The following LDB2 variants were observed in gnomAD, a reference collection of about 807,000 sequenced individuals.
The protein encoded by LDB2 is LIM domain-binding protein 2.
A neutral mutation model predicts 44.3 loss-of-function variants in LDB2; 12 were observed. The ratio of observed to expected loss-of-function variants is 0.27; its 90% confidence interval spans 0.17 to 0.44. LDB2 has a LOEUF of 0.44. Among genes scored for constraint, LDB2 ranks in the 20% least tolerant of loss-of-function variants. The pLI is 1.00. For synonymous variants in LDB2, 164 were observed against 174.8 expected, an observed-to-expected ratio of 0.94 and a Z score of 0.49; for missense variants, 344 against 473.5, an observed-to-expected ratio of 0.73 and a Z score of 2.54.
intron 5 of LDB2, among the ~76,000 whole-genome samples, chr4:16,583,931 T>C (rs1010620150): frequency 4.6e-5 from 7 of 152,204 alleles, no homozygotes; most frequent in Middle Eastern, 3.4e-3. Context: ...AGGCCATTGC[T>C]CCACCATGAA....
At chr4:16,744,381 T>A (rs191897854) in intron 2 of LDB2, among the ~76,000 whole-genome samples, 4 of 151,944 alleles carry the variant, frequency 2.6e-5, no homozygotes, top group Admixed American at 2.6e-4. Flanking sequence ...GGTCTTGAAC[T>A]CCTGACCTCA....
At chr4:16,781,882 G>T (rs189785775) in intron 1 of LDB2, among the ~76,000 whole-genome samples, 20 of 152,294 alleles carry the variant, frequency 1.3e-4, no homozygotes, top group Non-Finnish European at 2.5e-4. Context: ...TGGAGGTAAA[G>T]GTTGGAGTGT....
At chr4:16,630,292 C>T (rs538249948) in intron 2 of LDB2, among the ~76,000 whole-genome samples, 5 of 152,256 alleles carry the variant, frequency 3.3e-5, no homozygotes, top group African/African-American at 9.6e-5. Flanking sequence ...TCAACATTCT[C>T]AAAGAAAAGA....
intron 2 of LDB2, among the ~76,000 whole-genome samples, chr4:16,736,151 G>A (rs926050906): frequency 4.6e-5 from 7 of 152,194 alleles, no homozygotes; most frequent in Non-Finnish European, 8.8e-5. Flanking sequence ...CTCTGGGCAA[G>A]AAGGGTCCTC....
intron 1 of LDB2, among the ~76,000 whole-genome samples, chr4:16,767,623 C>A (rs1769652640): frequency 1.3e-5 from 2 of 152,104 alleles, no homozygotes; most frequent in Admixed American, 6.6e-5. Context: ...TTCTTTTCCC[C>A]AAAGCTAGAA....
intron 2 of LDB2, among the ~76,000 whole-genome samples, chr4:16,670,944 G>A (rs1259759378): frequency 6.6e-6 from 1 of 152,150 alleles, no homozygotes; most frequent in Non-Finnish European, 1.5e-5. Flanking sequence ...CCTGATTTAT[G>A]ATCTGCTTCT....
intron 2 of LDB2, among the ~76,000 whole-genome samples, chr4:16,637,264 G>A (rs1733842593): frequency 6.8e-6 from 1 of 146,292 alleles, no homozygotes; most frequent in Non-Finnish European, 1.5e-5. Flanking sequence ...TGTGAGAAAG[G>A]CTTGAATGCT....
chr4:16,627,847 T>A (rs958015855), intron 2 of LDB2, among the ~76,000 whole-genome samples: 1 of 152,198 alleles, frequency 6.6e-6, no homozygotes, highest in African/African-American at 2.4e-5. Flanking sequence ...ATGGGTGACT[T>A]AGCACATATT....
chr4:16,750,301 G>T (rs575413006), intron 2 of LDB2, among the ~76,000 whole-genome samples: 1 of 152,328 alleles, frequency 6.6e-6, no homozygotes, highest in Non-Finnish European at 1.5e-5. Context: ...GTATGGGTCT[G>T]TCTCCCTTGT....
chr4:16,892,816 TA>T (rs375701187), intron 1 of LDB2, among the ~76,000 whole-genome samples: 2 of 152,164 alleles, frequency 1.3e-5, no homozygotes, highest in Non-Finnish European at 2.9e-5. Flanking sequence ...GCTAAATGTT[TA>T]AAAAATGCAT....
chr4:16,824,107 T>C (rs985280724), intron 1 of LDB2, among the ~76,000 whole-genome samples: 5 of 152,244 alleles, frequency 3.3e-5, no homozygotes, highest in Non-Finnish European at 7.3e-5. Context: ...TGTAAGACAC[T>C]ACCATTCGCC....
At chr4:16,645,156 C>T (rs936368243) in intron 2 of LDB2, among the ~76,000 whole-genome samples, 3 of 152,194 alleles carry the variant, frequency 2.0e-5, no homozygotes, top group African/African-American at 4.8e-5. Context: ...GATCAAGTCC[C>T]GAGGATTCTG....
At chr4:16,724,501 T>C (rs1374291190) in intron 2 of LDB2, among the ~76,000 whole-genome samples, 1 of 151,956 alleles carries the variant, frequency 6.6e-6, no homozygotes, top group Non-Finnish European at 1.5e-5. Context: ...AACATGCTTG[T>C]TGAGTGAATG....
chr4:16,688,517 G>A (rs147461918), intron 2 of LDB2, among the ~76,000 whole-genome samples: 2 of 152,140 alleles, frequency 1.3e-5, no homozygotes, highest in Non-Finnish European at 2.9e-5. Flanking sequence ...GCACAAAATG[G>A]CATTTTGTTT....
At chr4:16,670,266 G>T (rs565832041) in intron 2 of LDB2, among the ~76,000 whole-genome samples, 2 of 152,118 alleles carry the variant, frequency 1.3e-5, no homozygotes, top group Non-Finnish European at 2.9e-5. Context: ...ATCTAAGTAG[G>T]TCGCTTAGAT....
intron 3 of LDB2, 109 bp from the exon 4 acceptor site, chr4:16,588,941 T>C (rs1302430174): frequency 8.9e-7 from 1 of 1,124,526 alleles, no homozygotes; most frequent in Non-Finnish European, 1.3e-6. Context: ...TGGGCAGTGC[T>C]AGCTCTTGGT....
At chr4:16,507,917 C>G (rs1173978646) in intron 7 of LDB2, among the ~76,000 whole-genome samples, 1 of 152,184 alleles carries the variant, frequency 6.6e-6, no homozygotes, top group African/African-American at 2.4e-5. Context: ...AAGAAGTCCC[C>G]TTCCTAATGG....
intron 2 of LDB2, among the ~76,000 whole-genome samples, chr4:16,641,739 T>C (rs1735221999): frequency 6.6e-6 from 1 of 152,064 alleles, no homozygotes; most frequent in African/African-American, 2.4e-5. Flanking sequence ...GGATGTCACA[T>C]TTCAACTTGA....
intron 1 of LDB2, among the ~76,000 whole-genome samples, chr4:16,801,782 T>C (rs1413590967): frequency 6.6e-6 from 1 of 152,170 alleles, no homozygotes; most frequent in Non-Finnish European, 1.5e-5. Context: ...GAAGAAAGAA[T>C]AAATATATGC....
Sources: allele counts gnomAD v4.1 joint callset (sites outside exome capture counted in the v4.1 genomes callset), GRCh38; gene constraint gnomAD v4.1.1; transcripts MANE v1.5; gene names NCBI Gene and HGNC (gene_info 2026-07-23, HGNC 2026-07-21).